The following NXNL2 variants were observed in gnomAD, a reference collection of about 807,000 sequenced individuals.
NXNL2 encodes nucleoredoxin-like protein 2.
In NXNL2, 7 loss-of-function variants were observed where a neutral mutation model predicts 11.1. The observed-to-expected ratio is 0.63, with a 90% confidence interval of 0.36 to 1.18. The LOEUF is 1.18. NXNL2 is among the 50% of genes most tolerant of loss of function. NXNL2 has a pLI of 0.02. For missense variants in NXNL2, 233 were observed against 217.7 expected (o/e 1.07, Z -0.44); for synonymous variants, 109 against 101.8 (o/e 1.07, Z -0.42).
chr9:88,538,175 G>C (rs538554351), intron 1 of NXNL2, among the ~76,000 whole-genome samples: 1 of 152,264 alleles, frequency 6.6e-6, no homozygotes, highest in Non-Finnish European at 1.5e-5. Context: ...GCAGCTCCAA[G>C]GTTACATTTG....
chr9:88,582,418 G>A (rs1035143006), intron 1 of NXNL2, among the ~76,000 whole-genome samples: 12 of 152,168 alleles, frequency 7.9e-5, no homozygotes, highest in Middle Eastern at 3.4e-3. Flanking sequence ...GCAGTGAGCC[G>A]AGATCGCACC....
At chr9:88,571,076 T>TC (rs1564076744) in intron 1 of NXNL2, 5 of 429,688 alleles carry the variant, frequency 1.2e-5, no homozygotes, top group South Asian at 8.3e-5. Flanking sequence ...CTTTTCTTTT[T>TC]TTTTTTTCAG....
intron 1 of NXNL2, among the ~76,000 whole-genome samples, chr9:88,582,628 C>CTT (rs1830421614): frequency 6.6e-6 from 1 of 151,478 alleles, no homozygotes; most frequent in Admixed American, 6.6e-5. Flanking sequence ...TCCTTCCTTC[C>CTT]TCCCTCCTCC....
chr9:88,545,089 T>A (rs1829829868), downstream of NXNL2: 1 of 159,008 alleles, frequency 6.3e-6, no homozygotes, highest in African/African-American at 2.4e-5. Flanking sequence ...TGCTAGTTTT[T>A]AATTATATGT....
chr9:88,538,922 A>G (rs962882565), intron 1 of NXNL2, among the ~76,000 whole-genome samples: 1 of 152,186 alleles, frequency 6.6e-6, no homozygotes, highest in Admixed American at 6.5e-5. Flanking sequence ...TAGCCTGCCC[A>G]TGACACACAG....
At chr9:88,544,132 T>C (rs1829813328) in intron 1 of NXNL2, among the ~76,000 whole-genome samples, 1 of 151,968 alleles carries the variant, frequency 6.6e-6, no homozygotes, top group Non-Finnish European at 1.5e-5. Flanking sequence ...GATCGCGCCA[T>C]TGCACTCTAG....
downstream of NXNL2, among the ~76,000 whole-genome samples, chr9:88,578,439 TTC>T (rs1830371531): frequency 2.0e-5 from 3 of 152,380 alleles, no homozygotes; most frequent in South Asian, 6.2e-4. Flanking sequence ...CTGATCTGGC[TTC>T]TTTCTTTCAT....
chr9:88,552,397 TC>T, intron 1 of NXNL2, among the ~76,000 whole-genome samples: 1 of 152,218 alleles, frequency 6.6e-6, no homozygotes, highest in East Asian at 1.9e-4. Flanking sequence ...CAAGGAAGAC[TC>T]CTTTTAAAAT....
chr9:88,535,818 A>T, intron 1 of NXNL2, 82 bp downstream of exon 1: 1 of 1,139,754 alleles, frequency 8.8e-7, no homozygotes, highest in South Asian at 1.6e-5. Flanking sequence ...TGCACTGGGG[A>T]GCTCTTTATG....
In NXNL2 at chr9:88,567,668, C is replaced by T. The variant is rs73490017; in HGVS notation, c.303-3419C>T. ...TTTTCTAAACAGTGTGCCAGTTGTC[C>T]CATTCTGACTTAGGGAATAATCTGT... On this transcript the variant is annotated intron_variant, in intron 1 of 2. Coordinates refer to the NXNL2 transcript ENST00000375855. 6.7e-3 allele frequency among the ~76,000 whole-genome samples: 1,016 copies of T among 152,212 alleles called. 7 individuals are homozygous for T. The highest frequency in any genetic ancestry group is 0.023 in the African/African-American group (975 of 41,514).
chr9:88,535,789 T>C, intron 1 of NXNL2, 53 bp downstream of exon 1: 1 of 1,434,710 alleles, frequency 7.0e-7, no homozygotes, highest in Non-Finnish European at 9.3e-7. Flanking sequence ...TCCCCCATGT[T>C]CCCCCAGGCC....
chr9:88,551,925 C>T (rs530389223), intron 1 of NXNL2, among the ~76,000 whole-genome samples: 4 of 152,198 alleles, frequency 2.6e-5, no homozygotes, highest in South Asian at 2.1e-4. Flanking sequence ...CTTTCAGCCA[C>T]GTATTTCTCA....
chr9:88,561,465 A>G (rs905055871), intron 1 of NXNL2, among the ~76,000 whole-genome samples: 70 of 152,166 alleles, frequency 4.6e-4, no homozygotes, highest in African/African-American at 1.6e-3. Flanking sequence ...TCTACTATCT[A>G]TCTATCTATC....
chr9:88,583,024 T>C (rs569932890), intron 1 of NXNL2, among the ~76,000 whole-genome samples: 1 of 152,314 alleles, frequency 6.6e-6, no homozygotes, highest in African/African-American at 2.4e-5. Flanking sequence ...GCATTTCTTC[T>C]AGTTTGGGCC....
At chr9:88,572,120 G>C (rs571342847) in intron 2 of NXNL2, among the ~76,000 whole-genome samples, 25 of 152,234 alleles carry the variant, frequency 1.6e-4, no homozygotes, top group Admixed American at 3.3e-4. Context: ...ATTCCTGTTG[G>C]CGTGTCCCTA....
At chr9:88,568,639 T>C (rs914869857) in intron 1 of NXNL2, among the ~76,000 whole-genome samples, 5 of 152,242 alleles carry the variant, frequency 3.3e-5, no homozygotes, top group African/African-American at 1.2e-4. Context: ...AGCTATTTGA[T>C]TTTCTGTATC....
At chr9:88,570,249 G>T (rs377533606) in intron 1 of NXNL2, among the ~76,000 whole-genome samples, 1 of 152,170 alleles carries the variant, frequency 6.6e-6, no homozygotes, top group East Asian at 1.9e-4. Flanking sequence ...CTCCCAAAAA[G>T]CTGGGATTAC....
chr9:88,583,234 A>G (rs183900582), intron 1 of NXNL2, among the ~76,000 whole-genome samples: 14 of 152,322 alleles, frequency 9.2e-5, no homozygotes, highest in East Asian at 5.8e-4. Flanking sequence ...TTACCGCTGC[A>G]CTGCAAACGT....
chr9:88,571,740 G>T (rs192498514), intron 2 of NXNL2, among the ~76,000 whole-genome samples: 1 of 152,298 alleles, frequency 6.6e-6, no homozygotes, highest in East Asian at 1.9e-4. Context: ...GCTCCGTCAG[G>T]AGGAGGGGCC....
Sources: allele counts gnomAD v4.1 joint callset (sites outside exome capture counted in the v4.1 genomes callset), GRCh38; gene constraint gnomAD v4.1.1; transcripts MANE v1.5; gene names NCBI Gene and HGNC (gene_info 2026-07-23, HGNC 2026-07-21).